The following CSMD3 variants were observed in gnomAD, a reference collection of about 807,000 sequenced individuals.
CSMD3 encodes the protein CUB and sushi domain-containing protein 3.
Under a neutral mutation model 435.2 loss-of-function variants are expected in CSMD3, and 177 were observed. The ratio of observed to expected loss-of-function variants is 0.41; its 90% CI spans 0.36 to 0.46. The LOEUF (loss-of-function observed/expected upper bound fraction) is 0.46. Ranked by LOEUF, CSMD3 falls within the 20% of genes least tolerant of loss-of-function variation. The pLI is 0.34. For synonymous variants in CSMD3, 1,656 were observed against 1,520.5 expected (o/e 1.09, Z -2.07); for missense variants, 4,265 against 4,504.6 (o/e 0.95, Z 1.52).
At chr8:112,369,954 G>A (rs1235653449) in intron 38 of CSMD3, among the ~76,000 whole-genome samples, 1 of 138,870 alleles carries the variant, frequency 7.2e-6, no homozygotes, top group Non-Finnish European at 1.6e-5. Context: ...AAGAGGGGGA[G>A]GAGGAGGAGG....
At chr8:113,352,229 G>A (rs151280579) in intron 1 of CSMD3, among the ~76,000 whole-genome samples, 1 of 152,020 alleles carries the variant, frequency 6.6e-6, no homozygotes, top group East Asian at 1.9e-4. Flanking sequence ...ATCCTGCATT[G>A]GGATGGTCCC....
intron 3 of CSMD3, among the ~76,000 whole-genome samples, chr8:113,183,808 G>A (rs1277979793): frequency 6.6e-6 from 1 of 151,940 alleles, no homozygotes; most frequent in Non-Finnish European, 1.5e-5. Flanking sequence ...GGGTTCTTGT[G>A]TGTGTAAAAG....
At chr8:112,866,564 A>C (rs1182131907) in intron 10 of CSMD3, among the ~76,000 whole-genome samples, 2 of 152,106 alleles carry the variant, frequency 1.3e-5, no homozygotes, top group Non-Finnish European at 2.9e-5. Context: ...ATTCAAATGT[A>C]TTTGCGGCAT....
chr8:112,747,452 T>C (rs1467748456), intron 13 of CSMD3, among the ~76,000 whole-genome samples: 2 of 151,954 alleles, frequency 1.3e-5, no homozygotes, highest in Admixed American at 6.6e-5. Context: ...GATTTGGAGA[T>C]AGGCAAATAC....
At chr8:113,212,159 T>C (rs1160741336) in intron 3 of CSMD3, among the ~76,000 whole-genome samples, 1 of 152,150 alleles carries the variant, frequency 6.6e-6, no homozygotes, top group Admixed American at 6.6e-5. Context: ...ATATGCAGAA[T>C]TTATTATGTT....
chr8:112,341,714 C>T (rs754421073), intron 41 of CSMD3, 28 bp from the exon 42 acceptor site: 1 of 1,342,132 alleles, frequency 7.5e-7, no homozygotes, highest in Non-Finnish European at 1.1e-6. Context: ...CAGAATGCTA[C>T]TTTATTTGCT....
chr8:112,673,570 T>A (rs2075706071), intron 16 of CSMD3, among the ~76,000 whole-genome samples: 1 of 152,096 alleles, frequency 6.6e-6, no homozygotes, highest in Non-Finnish European at 1.5e-5. Context: ...CACAAATCAA[T>A]TCTGATCTGT....
chr8:112,387,883 A>G (rs1830112519), intron 36 of CSMD3, among the ~76,000 whole-genome samples: 3 of 152,200 alleles, frequency 2.0e-5, no homozygotes, highest in Admixed American at 6.5e-5. Flanking sequence ...AAAAATATTT[A>G]CTGAGAATAC....
intron 13 of CSMD3, among the ~76,000 whole-genome samples, chr8:112,739,614 C>T (rs1053197684): frequency 2.6e-5 from 4 of 151,720 alleles, no homozygotes; most frequent in Admixed American, 1.3e-4. Flanking sequence ...AAATTTCTCA[C>T]ATATAAGACA....
intron 24 of CSMD3, among the ~76,000 whole-genome samples, chr8:112,572,917 C>T (rs1242189514): frequency 2.5e-3 from 1 of 408 alleles, no homozygotes; most frequent in Admixed American, 0.042. Flanking sequence ...ATTGATGAAA[C>T]CCACCCTACC....
chr8:112,776,316 C>A (rs1369506236), intron 13 of CSMD3, among the ~76,000 whole-genome samples: 1 of 151,710 alleles, frequency 6.6e-6, no homozygotes, highest in African/African-American at 2.4e-5. Context: ...AATCATATTT[C>A]TCAGTTTTTT....
chr8:112,287,799 A>G (rs1039435125), intron 57 of CSMD3, among the ~76,000 whole-genome samples: 2 of 152,132 alleles, frequency 1.3e-5, no homozygotes, highest in Non-Finnish European at 2.9e-5. Flanking sequence ...AATGAACTGC[A>G]TATTCCTCGT....
chr8:112,512,588 G>C (rs1823248907), intron 28 of CSMD3, among the ~76,000 whole-genome samples: 1 of 152,090 alleles, frequency 6.6e-6, no homozygotes, highest in Non-Finnish European at 1.5e-5. Flanking sequence ...AAGCTTAATT[G>C]TTCCATTTAT....
intron 2 of CSMD3, chr8:113,314,264 T>C (rs934924344): frequency 6.4e-6 from 2 of 311,778 alleles, no homozygotes; most frequent in African/African-American, 4.3e-5. Flanking sequence ...TCAAAAGTTA[T>C]ATCCATAATG....
intron 24 of CSMD3, among the ~76,000 whole-genome samples, chr8:112,564,088 T>C (rs887677223): frequency 6.6e-6 from 1 of 152,008 alleles, no homozygotes; most frequent in Non-Finnish European, 1.5e-5. Flanking sequence ...TTTATTCTGC[T>C]GAACTTCCCT....
chr8:112,699,615 G>A (rs998299960), intron 13 of CSMD3, among the ~76,000 whole-genome samples: 3 of 152,208 alleles, frequency 2.0e-5, no homozygotes, highest in African/African-American at 7.2e-5. Flanking sequence ...AAAAATCCTG[G>A]AAGACATCAA....
chr8:112,926,238 A>ATG (rs1554720557), intron 9 of CSMD3, among the ~76,000 whole-genome samples: 14 of 58,984 alleles, frequency 2.4e-4, no homozygotes, highest in East Asian at 1.1e-3. Flanking sequence ...CACTCATTAA[A>ATG]TATGTGTGTG....
At position 112,556,942 on chromosome 8, in the gene CSMD3, G is replaced by A. The variant is rs766431280; in HGVS notation, c.4055C>T (p.Ser1352Leu). The A allele has an allele frequency of 6.2e-7, 1 of 1,610,722 alleles. No individual in the cohort carries two copies. The highest frequency in any genetic ancestry group is 1.7e-5 in the Admixed American group (1 of 59,758). Residue 1352 changes from serine (S) to leucine (L), a missense_variant, in exon 25 of 71, where the codon TCA becomes TTA. By Grantham distance (145) the Ser-to-Leu change is moderately radical (BLOSUM62 -2). Coordinates refer to ENST00000297405, the MANE Select transcript of CSMD3 (RefSeq NM_198123.2). Reference protein sequence around the residue: ...FQLVYTSFELSHCEDPGIPQF... With the variant: ...FQLVYTSFELLHCEDPGIPQF... Reference sequence around the variant, plus strand: ...TGGAATGCCAGGATCTTCACAGTGTGAGAGTTCAAAACCTGGGACAAAAAT... The same window carrying A: ...TGGAATGCCAGGATCTTCACAGTGTAAGAGTTCAAAACCTGGGACAAAAAT...
intron 2 of CSMD3, among the ~76,000 whole-genome samples, chr8:113,296,285 T>C (rs1256936417): frequency 1.1e-5 from 1 of 88,396 alleles, no homozygotes; most frequent in Non-Finnish European, 2.3e-5. Context: ...ACCCTAGAAC[T>C]TAAAGTATAA....
Sources: gnomAD v4.1 joint callset for allele counts (sites outside exome capture counted in the v4.1 genomes callset) on GRCh38, gnomAD v4.1.1 for gene constraint, MANE v1.5 for transcripts, NCBI Gene and HGNC (gene_info 2026-07-23, HGNC 2026-07-21) for gene names.